Variants in ZBTB20 observed in about 807,000 individuals in gnomAD.
ZBTB20 encodes the protein zinc finger and BTB domain-containing protein 20.
ZBTB20 carries 9 observed loss-of-function variants against 56.9 expected under a neutral mutation model. That is an observed-to-expected ratio of 0.16 (90% CI 0.10 to 0.28). The LOEUF (loss-of-function observed/expected upper bound fraction) is 0.28, where lower values mean the gene tolerates loss of function less well. Among genes scored for constraint, ZBTB20 ranks in the 10% least tolerant of loss-of-function variants. The pLI, the probability that ZBTB20 is intolerant of heterozygous loss-of-function variation, is 1.00. For synonymous variants in ZBTB20, 417 were observed against 420.7 expected (o/e 0.99, Z 0.11); for missense variants, 655 against 1,003.0 (o/e 0.65, Z 4.69).
At chr3:114,573,350 C>T (rs1199024343) in intron 6 of ZBTB20, among the ~76,000 whole-genome samples, 1 of 151,544 alleles carries the variant, frequency 6.6e-6, no homozygotes, top group Non-Finnish European at 1.5e-5. Flanking sequence ...GTCCCAGCTA[C>T]TCGGGAGGCT....
chr3:114,726,253 C>T (rs567132255), intron 5 of ZBTB20, among the ~76,000 whole-genome samples: 3 of 151,920 alleles, frequency 2.0e-5, no homozygotes, highest in East Asian at 1.9e-4. Flanking sequence ...TGATATGAAT[C>T]GCAGGTCAAA....
At chr3:114,587,234 T>C (rs141215358) in intron 6 of ZBTB20, among the ~76,000 whole-genome samples, 18,597 of 151,954 alleles carry the variant, frequency 0.12, 1,580 homozygotes, top group African/African-American at 0.24. Flanking sequence ...TGACTACAGG[T>C]GATCTGCCCA....
At position 114,685,813 on chromosome 3, in the gene ZBTB20, T is replaced by C. The variant is rs34414798; in HGVS notation, c.-295+7715A>G. ...TACCGTATGCTTTGACAAAAGAGAA[T>C]AGTAATAATAATAAATAAATAAATG... On this transcript the variant is annotated intron_variant, in intron 6 of 11. Transcript: ENST00000675478. Among the ~76,000 whole-genome samples, 1,089 of 152,072 alleles carry C rather than the reference T, an allele frequency of 7.2e-3. 8 individuals carry two copies. Among genetic ancestry groups the C allele is most frequent in the South Asian group, 0.02 (94 of 4,810 alleles).
At chr3:114,446,031 C>T (rs190552638) in intron 7 of ZBTB20, among the ~76,000 whole-genome samples, 12 of 152,086 alleles carry the variant, frequency 7.9e-5, no homozygotes, top group East Asian at 3.9e-4. Context: ...TATTCCTTAA[C>T]GTTTGTTCTT....
intron 7 of ZBTB20, among the ~76,000 whole-genome samples, chr3:114,446,562 C>A (rs1321702043): frequency 6.6e-6 from 1 of 152,136 alleles, no homozygotes; most frequent in African/African-American, 2.4e-5. Context: ...GAATAAAAAT[C>A]ATCGAATTTA....
At chr3:114,474,521 G>A (rs572915591) in intron 7 of ZBTB20, among the ~76,000 whole-genome samples, 15 of 152,114 alleles carry the variant, frequency 9.9e-5, no homozygotes, top group African/African-American at 3.6e-4. Flanking sequence ...TGAGGCATAG[G>A]TGACTCAAAA....
At position 114,713,624 on chromosome 3, in the gene ZBTB20, G is replaced by C. The variant is rs565774680; in HGVS notation, c.-342-20049C>G. On this transcript the variant is annotated intron_variant, in intron 5 of 11. Transcript: ENST00000675478. ...AGAATAGCCATTGGAATCTGGATTA[G>C]AGTCTGAAAAACACTGCATTTTCCA... Among the ~76,000 whole-genome samples the C allele has an allele frequency of 2.0e-5, 3 of 152,256 alleles. No individual in the cohort carries two copies. In the East Asian group the frequency reaches 5.8e-4, roughly 29 times the overall value.
chr3:114,994,561 G>T (rs1398947762), intron 2 of ZBTB20, among the ~76,000 whole-genome samples: 4 of 151,736 alleles, frequency 2.6e-5, no homozygotes, highest in Non-Finnish European at 4.4e-5. Context: ...TTTTGTCCCA[G>T]CAATACAGCC....
intron 5 of ZBTB20, among the ~76,000 whole-genome samples, chr3:114,718,726 C>G (rs892890820): frequency 6.6e-6 from 1 of 152,006 alleles, no homozygotes; most frequent in African/African-American, 2.4e-5. Flanking sequence ...CTATCACTTG[C>G]CTGCCACTTG....
intron 1 of ZBTB20, among the ~76,000 whole-genome samples, chr3:115,071,687 T>C (rs1018332145): frequency 1.2e-4 from 19 of 152,170 alleles, no homozygotes; most frequent in African/African-American, 4.6e-4. Context: ...TGTTTCCCTT[T>C]TTCTCTGACC....
At chr3:115,108,680 T>C (rs1323510159) in intron 1 of ZBTB20, among the ~76,000 whole-genome samples, 1 of 152,184 alleles carries the variant, frequency 6.6e-6, no homozygotes, top group Non-Finnish European at 1.5e-5. Flanking sequence ...ACCCATATAC[T>C]GTAGCCTTTA....
At chr3:114,566,311 C>T (rs1056495486) in intron 6 of ZBTB20, among the ~76,000 whole-genome samples, 1 of 152,246 alleles carries the variant, frequency 6.6e-6, no homozygotes, top group Non-Finnish European at 1.5e-5. Flanking sequence ...CCTCACAGTG[C>T]GGTAACCCCT....
At chr3:114,816,460 G>A (rs2072925960) in intron 4 of ZBTB20, among the ~76,000 whole-genome samples, 1 of 152,032 alleles carries the variant, frequency 6.6e-6, no homozygotes, top group African/African-American at 2.4e-5. Context: ...CATTCCACAG[G>A]GACAGGTATT....
chr3:114,788,561 T>C (rs1329993498), intron 5 of ZBTB20, among the ~76,000 whole-genome samples: 1 of 152,212 alleles, frequency 6.6e-6, no homozygotes, highest in Non-Finnish European at 1.5e-5. Context: ...TGTCCATTCA[T>C]GGACATTTGG....
chr3:114,356,674 A>G (rs1216686249), intron 10 of ZBTB20, among the ~76,000 whole-genome samples: 4 of 152,156 alleles, frequency 2.6e-5, no homozygotes, highest in African/African-American at 9.7e-5. Flanking sequence ...ACTAGGAAAG[A>G]GCCAGTCATC....
chr3:114,321,871 C>T lies in ZBTB20; in HGVS notation c.*17134G>A, dbSNP rs1177098185. 1 of 152,220 alleles carries T rather than the reference C, an allele frequency of 6.6e-6. No homozygotes were observed. The highest frequency in any genetic ancestry group is 1.5e-5 in the Non-Finnish European group (1 of 68,072). 9.4% of individuals were successfully genotyped at this position (152,220 alleles called of 1,614,324 possible). A position where few individuals can be genotyped will look rare whatever the true frequency, so the allele number is the denominator to read the frequency against. On this transcript the variant is annotated 3_prime_UTR_variant, in exon 12 of 12. Transcript: ENST00000675478. ...AAGTGGATACTGTCCCTTCAAACCT[C>T]CTCAGAAGACTGGAGGCAATGGTAC...
intron 4 of ZBTB20, among the ~76,000 whole-genome samples, chr3:114,862,802 T>G (rs949786164): frequency 3.3e-5 from 5 of 152,162 alleles, no homozygotes; most frequent in African/African-American, 1.2e-4. Flanking sequence ...GGCATCATAT[T>G]AAACATTTTC....
At chr3:114,836,016 C>T (rs1269569922) in intron 4 of ZBTB20, among the ~76,000 whole-genome samples, 1 of 152,124 alleles carries the variant, frequency 6.6e-6, no homozygotes, top group Non-Finnish European at 1.5e-5. Flanking sequence ...AAATGCCCCA[C>T]TGCACTTATA....
chr3:114,730,857 G>A (rs2065684367), intron 5 of ZBTB20, among the ~76,000 whole-genome samples: 1 of 152,172 alleles, frequency 6.6e-6, no homozygotes. Context: ...TGTAAGGAAG[G>A]AATTACTTAA....
Sources: allele counts gnomAD v4.1 joint callset (sites outside exome capture counted in the v4.1 genomes callset), GRCh38; gene constraint gnomAD v4.1.1; transcripts MANE v1.5; gene names NCBI Gene and HGNC (gene_info 2026-07-23, HGNC 2026-07-21).